Variants in PCDHA7 observed in about 807,000 individuals in gnomAD.
PCDHA7 encodes protocadherin alpha 7, also known as protocadherin alpha-7.
PCDHA7 carries 37 observed loss-of-function variants against 57.2 expected under a neutral mutation model. The ratio of observed to expected loss-of-function variants is 0.65; its 90% CI spans 0.50 to 0.85. The LOEUF (loss-of-function observed/expected upper bound fraction) is 0.85. Among genes scored for constraint, PCDHA7 ranks in the 40% least tolerant of loss-of-function variants. The probability of loss-of-function intolerance (pLI) is 0.00; values close to 1 mark genes in which losing one functional copy is unlikely to be tolerated. For missense variants in PCDHA7, 1,188 were observed against 1,241.8 expected (o/e 0.96, Z 0.65); for synonymous variants, 553 against 558.8 (o/e 0.99, Z 0.15).
chr5:140,878,856 G>T (rs1210501065), intron 1 of PCDHA7, among the ~76,000 whole-genome samples: 1 of 152,168 alleles, frequency 6.6e-6, no homozygotes, highest in Admixed American at 6.5e-5. Flanking sequence ...GGGTTCAACT[G>T]ATCCTCCATT....
intron 1 of PCDHA7, chr5:140,856,628 G>C (rs782445037): frequency 1.9e-6 from 3 of 1,598,180 alleles, no homozygotes; most frequent in East Asian, 4.5e-5. Context: ...CCCAGTGCTT[G>C]TTCTGCGGAA....
chr5:140,850,711 T>C (rs2150495553), intron 1 of PCDHA7: 1 of 1,597,796 alleles, frequency 6.3e-7, no homozygotes, highest in Non-Finnish European at 8.6e-7. Flanking sequence ...AAGCCGACGC[T>C]GGTGTGTTCT....
At chr5:140,867,399 A>C (rs1001723593) in intron 1 of PCDHA7, 2 of 152,166 alleles carry the variant, frequency 1.3e-5, no homozygotes, top group African/African-American at 4.8e-5. Flanking sequence ...AAAAGTTGAT[A>C]TGTCTCCTTT....
chr5:140,840,895 A>C (rs1776928646), intron 1 of PCDHA7, among the ~76,000 whole-genome samples: 1 of 152,026 alleles, frequency 6.6e-6, no homozygotes, highest in South Asian at 2.1e-4. Context: ...TATCCATGAC[A>C]TACAGGTCAT....
At chr5:140,957,895 A>G (rs1169291586) in intron 1 of PCDHA7, among the ~76,000 whole-genome samples, 1 of 152,118 alleles carries the variant, frequency 6.6e-6, no homozygotes, top group African/African-American at 2.4e-5. Flanking sequence ...GTTGGCATCA[A>G]CCAAGGCATA....
At chr5:140,967,135 G>A in intron 1 of PCDHA7, 1 of 1,611,752 alleles carries the variant, frequency 6.2e-7, no homozygotes, top group South Asian at 1.1e-5. Context: ...GCTTGGAAGT[G>A]CTGGCGCACA....
chr5:140,864,096 T>C (rs1459291547), intron 1 of PCDHA7: 1 of 152,506 alleles, frequency 6.6e-6, no homozygotes, highest in Non-Finnish European at 1.5e-5. Flanking sequence ...TTGATAAGTA[T>C]AATGATAATA....
At chr5:140,858,107 C>T in intron 1 of PCDHA7, 1 of 1,597,636 alleles carries the variant, frequency 6.3e-7, no homozygotes, top group Non-Finnish European at 8.6e-7. Context: ...GGGCGTGGCG[C>T]CCGAGGTGGC....
At chr5:140,856,589 A>G in intron 1 of PCDHA7, 1 of 1,597,786 alleles carries the variant, frequency 6.3e-7, no homozygotes, top group Non-Finnish European at 8.6e-7. Flanking sequence ...TGTTCTTGAT[A>G]TTATAAACAA....
chr5:140,920,996 CAG>C (rs1554200030), intron 1 of PCDHA7, among the ~76,000 whole-genome samples: 3 of 151,876 alleles, frequency 2.0e-5, no homozygotes, highest in African/African-American at 7.3e-5. Context: ...CTTATTTTTT[CAG>C]AGTCAGGGTC....
At chr5:140,845,964 G>A (rs1780137378) in intron 1 of PCDHA7, among the ~76,000 whole-genome samples, 1 of 149,394 alleles carries the variant, frequency 6.7e-6, no homozygotes, top group Non-Finnish European at 1.5e-5. Context: ...GATTAACCTA[G>A]GATGTTTCAA....
rs113486331 is a variant in PCDHA7, at chr5:140,935,958, T to C, written c.2356-42991T>C. ...CCCAGGCTGGAGTAAAGTGGTACAATCTTGGCTCACTGCAATCTCTGCCTC... is the reference window on the plus strand; with the variant it reads ...CCCAGGCTGGAGTAAAGTGGTACAACCTTGGCTCACTGCAATCTCTGCCTC... On this transcript the variant is annotated intron_variant, in intron 1 of 3. Coordinates refer to ENST00000525929, the MANE Select transcript of PCDHA7 (RefSeq NM_018910.3). Among the ~76,000 whole-genome samples the C allele has an allele frequency of 4.3e-3, 649 of 149,438 alleles. 7 individuals are homozygous for C. The highest frequency in any genetic ancestry group is 0.015 in the African/African-American group (604 of 40,738).
intron 1 of PCDHA7, among the ~76,000 whole-genome samples, chr5:140,953,639 AG>A (rs1227582024): frequency 6.6e-6 from 1 of 152,152 alleles, no homozygotes; most frequent in African/African-American, 2.4e-5. Context: ...TATTTTGGCC[AG>A]GAGCTATAGT....
intron 1 of PCDHA7, chr5:140,929,189 A>C (rs782622519): frequency 3.1e-6 from 5 of 1,614,180 alleles, no homozygotes; most frequent in Non-Finnish European, 3.4e-6. Context: ...GGTTCTGATA[A>C]TAACAGTTTG....
chr5:140,979,797 C>T (rs1253949980), intron 2 of PCDHA7, among the ~76,000 whole-genome samples: 1 of 152,154 alleles, frequency 6.6e-6, no homozygotes, highest in African/African-American at 2.4e-5. Flanking sequence ...AACAAATGAT[C>T]ACAACTATCA....
chr5:140,849,845 C>G (rs2150453241), intron 1 of PCDHA7: 1 of 1,598,630 alleles, frequency 6.3e-7, no homozygotes, highest in East Asian at 2.2e-5. Context: ...ACGTGAACGA[C>G]AACGCACCAG....
intron 1 of PCDHA7, among the ~76,000 whole-genome samples, chr5:140,896,091 G>A (rs1353012571): frequency 2.0e-5 from 3 of 152,104 alleles, no homozygotes; most frequent in African/African-American, 2.4e-5. Flanking sequence ...GATTACAGGC[G>A]TGAGCCACTG....
At chr5:140,881,559 C>G (rs1293330721) in intron 1 of PCDHA7, among the ~76,000 whole-genome samples, 2 of 152,174 alleles carry the variant, frequency 1.3e-5, no homozygotes, top group Admixed American at 6.5e-5. Context: ...ATATAAATAT[C>G]TTATCTACAT....
chr5:140,932,583 G>A (rs1007147257), intron 1 of PCDHA7, among the ~76,000 whole-genome samples: 29 of 151,810 alleles, frequency 1.9e-4, no homozygotes, highest in Admixed American at 1.8e-3. Flanking sequence ...AGGGTAATTA[G>A]ATGTTTTGTA....
Sources: gnomAD v4.1 joint callset for allele counts (sites outside exome capture counted in the v4.1 genomes callset) on GRCh38, gnomAD v4.1.1 for gene constraint, MANE v1.5 for transcripts, NCBI Gene and HGNC (gene_info 2026-07-23, HGNC 2026-07-21) for gene names.